STX8: variants seen among roughly 807,000 people sequenced by gnomAD.
STX8 encodes syntaxin-8.
STX8 carries 23 observed loss-of-function variants against 37.5 expected under a neutral mutation model. The observed-to-expected ratio is 0.61, with a 90% CI of 0.44 to 0.87. The LOEUF is 0.87. STX8 is among the 40% of genes least tolerant of loss of function. The pLI is 0.00. For synonymous variants in STX8, 115 were observed against 99.1 expected (o/e 1.16, Z -0.95); for missense variants, 313 against 284.7 (o/e 1.10, Z -0.71).
chr17:9,499,635 T>C (rs1320056746), intron 5 of STX8, among the ~76,000 whole-genome samples: 1 of 152,146 alleles, frequency 6.6e-6, no homozygotes, highest in African/African-American at 2.4e-5. Context: ...CTTGACCTTG[T>C]GATGTGCTTG....
intron 7 of STX8, among the ~76,000 whole-genome samples, chr17:9,323,801 C>T (rs1393702759): frequency 6.6e-6 from 1 of 152,092 alleles, no homozygotes; most frequent in African/African-American, 2.4e-5. Context: ...TTGGCAGAGT[C>T]CATATGCTGG....
At chr17:9,404,868 C>A (rs1289155359) in intron 6 of STX8, among the ~76,000 whole-genome samples, 1 of 152,206 alleles carries the variant, frequency 6.6e-6, no homozygotes, top group Admixed American at 6.5e-5. Flanking sequence ...GGTTTGGAAG[C>A]AGACATCTCC....
rs142575549 is a variant in STX8 at position 9,313,123 on chromosome 17, G to A, written c.644-62478C>T. Among the ~76,000 whole-genome samples the A allele has an allele frequency of 6.8e-3, 1,032 of 152,184 alleles. 3 individuals are homozygous for A. Among genetic ancestry groups the A allele is most frequent in the African/African-American group, 0.011 (459 of 41,508 alleles). ...GGAGAATCACTTCAATCTGGGAGGC[G>A]GAGGTTATGGTGAGCCGAGATCACG... On this transcript the variant is annotated intron_variant, in intron 7 of 7. Coordinates refer to ENST00000306357, the MANE Select transcript of STX8 (RefSeq NM_004853.3).
At chr17:9,289,513 AT>A (rs58687825) in intron 7 of STX8, among the ~76,000 whole-genome samples, 36,291 of 146,910 alleles carry the variant, frequency 0.25, 4,430 homozygotes, top group African/African-American at 0.28. Flanking sequence ...ATACCCACAA[AT>A]TTTTTTTTTT....
At chr17:9,525,089 G>A (rs935568400) in intron 4 of STX8, among the ~76,000 whole-genome samples, 13 of 152,128 alleles carry the variant, frequency 8.5e-5, no homozygotes, top group East Asian at 1.9e-4. Flanking sequence ...GATTACAGGC[G>A]TGAGCCACTG....
chr17:9,320,746 C>T (rs868669960), intron 7 of STX8, among the ~76,000 whole-genome samples: 35 of 149,504 alleles, frequency 2.3e-4, no homozygotes, highest in African/African-American at 8.0e-4. Context: ...AAAAAAAATA[C>T]AAAAGTTAGC....
At chr17:9,436,346 C>CAAA (rs59912421) in intron 6 of STX8, among the ~76,000 whole-genome samples, 2 of 113,902 alleles carry the variant, frequency 1.8e-5, no homozygotes, top group Non-Finnish European at 1.8e-5. Context: ...GCCTCCATCG[C>CAAA]AAAAAAAAAA....
At chr17:9,469,322 C>A (rs1321954680) in intron 6 of STX8, 1 of 151,260 alleles carries the variant, frequency 6.6e-6, no homozygotes, top group African/African-American at 2.4e-5. Context: ...AGTCTAAGTT[C>A]ATGTCTGTCT....
chr17:9,550,287 C>T (rs1353001659), intron 3 of STX8, among the ~76,000 whole-genome samples: 2 of 150,710 alleles, frequency 1.3e-5, no homozygotes, highest in African/African-American at 4.9e-5. Context: ...TCCTCTTCCA[C>T]CAACCTGGTG....
chr17:9,458,044 A>T (rs890635185), intron 6 of STX8, among the ~76,000 whole-genome samples: 4 of 152,258 alleles, frequency 2.6e-5, no homozygotes, highest in African/African-American at 7.2e-5. Flanking sequence ...CCAGTACTTA[A>T]ACCAATCTTG....
At chr17:9,528,225 C>A (rs59911374) in intron 4 of STX8, among the ~76,000 whole-genome samples, 1,869 of 152,214 alleles carry the variant, frequency 0.012, 38 homozygotes, top group African/African-American at 0.043. Flanking sequence ...AACAGCCAAT[C>A]CTGGTTACTT....
At chr17:9,495,197 T>G (rs772585399) in intron 5 of STX8, among the ~76,000 whole-genome samples, 4 of 152,182 alleles carry the variant, frequency 2.6e-5, no homozygotes, top group African/African-American at 9.7e-5. Flanking sequence ...TTTTTAACTA[T>G]ACAAATGACC....
At chr17:9,552,654 C>CT (rs67297305) in intron 3 of STX8, 4,281 of 137,206 alleles carry the variant, frequency 0.031, 71 homozygotes, top group South Asian at 0.042. Context: ...ATAGATTTTT[C>CT]TTTTTTTTTT....
chr17:9,297,150 AC>A (rs1908583657), intron 7 of STX8, among the ~76,000 whole-genome samples: 1 of 151,212 alleles, frequency 6.6e-6, no homozygotes, highest in South Asian at 2.1e-4. Context: ...ATTTATGTTT[AC>A]CTCATTAAAC....
intron 3 of STX8, among the ~76,000 whole-genome samples, chr17:9,552,417 C>A (rs1012580970): frequency 6.6e-6 from 1 of 152,134 alleles, no homozygotes; most frequent in African/African-American, 2.4e-5. Flanking sequence ...TTATTTTTCT[C>A]ATGTTACCAA....
intron 4 of STX8, among the ~76,000 whole-genome samples, chr17:9,529,151 A>C (rs1274422233): frequency 1.4e-5 from 2 of 146,234 alleles, no homozygotes; most frequent in African/African-American, 5.0e-5. Flanking sequence ...AGGGAGAAAA[A>C]CCCTAACTTT....
intron 6 of STX8, among the ~76,000 whole-genome samples, chr17:9,441,708 G>T (rs1410372274): frequency 2.5e-5 from 3 of 119,496 alleles, no homozygotes; most frequent in Non-Finnish European, 3.2e-5. Context: ...ACGGAGTCTC[G>T]CTCTGTGCCA....
chr17:9,348,676 A>G (rs1910608332), intron 7 of STX8, among the ~76,000 whole-genome samples: 1 of 152,188 alleles, frequency 6.6e-6, no homozygotes, highest in Non-Finnish European at 1.5e-5. Flanking sequence ...AGGAAGCTCA[A>G]GGTCTAGTGA....
chr17:9,535,711 C>T (rs1167259200), intron 4 of STX8, among the ~76,000 whole-genome samples: 7 of 151,804 alleles, frequency 4.6e-5, no homozygotes, highest in South Asian at 4.2e-4. Context: ...GGATTACAGG[C>T]GTGAGCCATC....
Sources: allele counts gnomAD v4.1 joint callset (sites outside exome capture counted in the v4.1 genomes callset), GRCh38; gene constraint gnomAD v4.1.1; transcripts MANE v1.5; gene names NCBI Gene and HGNC (gene_info 2026-07-23, HGNC 2026-07-21).